The following CEP112 variants were observed in gnomAD, a reference collection of about 807,000 sequenced individuals.
CEP112 encodes the protein centrosomal protein 112, also known as centrosomal protein of 112 kDa.
CEP112 carries 127 observed loss-of-function variants against 153.0 expected under a neutral mutation model. The observed-to-expected ratio is 0.83, with a 90% CI of 0.72 to 0.96. The LOEUF (loss-of-function observed/expected upper bound fraction) is 0.96. CEP112 is among the 40% of genes least tolerant of loss of function. CEP112 has a pLI of 0.00. For synonymous variants in CEP112, 358 were observed against 374.4 expected (o/e 0.96, Z 0.51); for missense variants, 1,089 against 1,101.2 (o/e 0.99, Z 0.16).
chr17:66,055,328 T>C (rs145043986), intron 11 of CEP112, among the ~76,000 whole-genome samples: 1 of 152,342 alleles, frequency 6.6e-6, no homozygotes, highest in East Asian at 1.9e-4. Context: ...AAGTTTAACA[T>C]ACACAGTTTT....
intron 21 of CEP112, among the ~76,000 whole-genome samples, chr17:65,769,409 GA>G (rs71160506): frequency 0.79 from 119,173 of 151,450 alleles, 46,979 homozygotes; most frequent in Middle Eastern, 0.85. Flanking sequence ...CACAGAAATA[GA>G]AAAAAAAACC....
At chr17:66,052,574 C>G (rs1169226588) in intron 12 of CEP112, among the ~76,000 whole-genome samples, 1 of 152,094 alleles carries the variant, frequency 6.6e-6, no homozygotes, top group African/African-American at 2.4e-5. Context: ...TCACAGGTCT[C>G]TCTGCTGTGT....
chr17:65,750,840 A>G, intron 21 of CEP112, 116 bp from the exon 22 acceptor site: 1 of 864,642 alleles, frequency 1.2e-6, no homozygotes, highest in Non-Finnish European at 1.9e-6. Flanking sequence ...CTTCTGGGGC[A>G]GCCAGAAAAC....
At chr17:65,911,195 G>C (rs956340560) in intron 19 of CEP112, among the ~76,000 whole-genome samples, 2 of 152,114 alleles carry the variant, frequency 1.3e-5, no homozygotes, top group African/African-American at 2.4e-5. Flanking sequence ...TAAGAACTCA[G>C]GTATGAAGTT....
At chr17:65,914,348 T>C (rs907694994) in intron 19 of CEP112, among the ~76,000 whole-genome samples, 1 of 151,788 alleles carries the variant, frequency 6.6e-6, no homozygotes, top group South Asian at 2.1e-4. Context: ...GAAGGACAAA[T>C]AGGTCAACCT....
At chr17:65,832,032 G>A (rs748235352) in intron 21 of CEP112, among the ~76,000 whole-genome samples, 1 of 152,122 alleles carries the variant, frequency 6.6e-6, no homozygotes, top group African/African-American at 2.4e-5. Flanking sequence ...GCAAGACTAA[G>A]AATATCATTC....
At chr17:65,828,871 T>G (rs1005446041) in intron 21 of CEP112, among the ~76,000 whole-genome samples, 1 of 152,042 alleles carries the variant, frequency 6.6e-6, no homozygotes, top group South Asian at 2.1e-4. Flanking sequence ...TAATATGTTT[T>G]TAGAGAGTTT....
chr17:66,027,537 C>A lies in CEP112; in HGVS notation c.1620G>T (p.Met540Ile). The A allele has an allele frequency of 1.5e-6, 2 of 1,301,768 alleles. No homozygotes were observed. The highest frequency in any genetic ancestry group is 1.4e-5 in the South Asian group (1 of 70,270). 80.6% of individuals were successfully genotyped at this position (1,301,768 alleles called of 1,614,324 possible). ...AGATGTGTTTTAAATGACTTTTCTC[C>A]ATCTGAAACTTATTTTCTTGATCCT... is the stretch of plus-strand genomic sequence containing the variant. ...QLRDQENKFQ[M>I]EKSHLKHIYE... The change falls in exon 16 of 27, where the codon ATG becomes ATT. Residue 540 changes from methionine to isoleucine, a missense_variant. Met to Ile is a conservative substitution (Grantham distance 10). Transcript: ENST00000535342.
intron 6 of CEP112, among the ~76,000 whole-genome samples, chr17:66,108,990 A>C (rs2068901924): frequency 6.6e-6 from 1 of 152,234 alleles, no homozygotes; most frequent in African/African-American, 2.4e-5. Context: ...GGAGATCATT[A>C]AGTTCTGCAA....
rs1491563922 is a variant in CEP112, at chr17:66,188,583, T to TG, written c.-9+3413dup. ...CATCTGTGTACAGCATTTATCATGC[T>TG]GTTTTTTTTTTTTTTTACACATCTG... On this transcript the variant is annotated intron_variant, in intron 1 of 26. Coordinates refer to ENST00000535342, the MANE Select transcript of CEP112 (RefSeq NM_001199165.4). Among the ~76,000 whole-genome samples the TG allele has an allele frequency of 2.5e-3, 91 of 36,134 alleles. 2 individuals carry two copies. In the East Asian group the frequency reaches 0.053, roughly 21 times the overall value. 23.7% of individuals were successfully genotyped at this position (36,134 alleles called of 152,430 possible).
intron 20 of CEP112, among the ~76,000 whole-genome samples, chr17:65,878,643 A>G (rs557184811): frequency 6.6e-6 from 1 of 152,246 alleles, no homozygotes; most frequent in South Asian, 2.1e-4. Context: ...GGGAGGCTTC[A>G]GCAGATCTAG....
chr17:65,793,274 G>C (rs2054704703), intron 21 of CEP112, among the ~76,000 whole-genome samples: 1 of 152,112 alleles, frequency 6.6e-6, no homozygotes, highest in South Asian at 2.1e-4. Flanking sequence ...TTATAAGTGG[G>C]AGCTGAATGA....
At chr17:66,156,519 G>T (rs557558175) in intron 4 of CEP112, among the ~76,000 whole-genome samples, 1 of 152,228 alleles carries the variant, frequency 6.6e-6, no homozygotes, top group South Asian at 2.1e-4. Flanking sequence ...AACAAAGCTG[G>T]ACAGAGAATG....
intron 6 of CEP112, among the ~76,000 whole-genome samples, chr17:66,128,242 G>T (rs540218050): frequency 1.5e-5 from 2 of 134,270 alleles, no homozygotes; most frequent in South Asian, 4.6e-4. Context: ...GGCAGAGGTT[G>T]CAGTGAGCCA....
intron 19 of CEP112, among the ~76,000 whole-genome samples, chr17:65,926,692 G>A (rs931548184): frequency 6.8e-6 from 1 of 146,734 alleles, no homozygotes; most frequent in Non-Finnish European, 1.5e-5. Flanking sequence ...CAGCCTGGGT[G>A]AGAGAGTGAG....
chr17:65,865,642 G>A (rs1598820747), intron 20 of CEP112, among the ~76,000 whole-genome samples: 1 of 152,178 alleles, frequency 6.6e-6, no homozygotes, highest in African/African-American at 2.4e-5. Context: ...AGGTGCAGCT[G>A]GGGACTCCTG....
intron 20 of CEP112, among the ~76,000 whole-genome samples, chr17:65,863,488 C>T (rs1164677882): frequency 6.6e-6 from 1 of 152,090 alleles, no homozygotes; most frequent in Non-Finnish European, 1.5e-5. Flanking sequence ...ACAAAATGGG[C>T]CGGGCGCGGT....
At chr17:65,746,816 T>C (rs2051502442) in intron 22 of CEP112, among the ~76,000 whole-genome samples, 1 of 152,182 alleles carries the variant, frequency 6.6e-6, no homozygotes, top group Admixed American at 6.5e-5. Context: ...CCCTCCAGTT[T>C]TGATTGAATC....
At chr17:65,969,440 C>A (rs2062550805) in intron 17 of CEP112, among the ~76,000 whole-genome samples, 1 of 152,158 alleles carries the variant, frequency 6.6e-6, no homozygotes, top group African/African-American at 2.4e-5. Context: ...ACATTACATG[C>A]ATACACATCA....
Sources: allele counts gnomAD v4.1 joint callset (sites outside exome capture counted in the v4.1 genomes callset), GRCh38; gene constraint gnomAD v4.1.1; transcripts MANE v1.5; gene names NCBI Gene and HGNC (gene_info 2026-07-23, HGNC 2026-07-21).